Variants in ARL14EPL observed in about 807,000 individuals in gnomAD.
ARL14EPL encodes the protein ARF like GTPase 14 effector protein like.
A neutral mutation model predicts 15.9 loss-of-function variants in ARL14EPL; 17 were observed. The ratio of observed to expected loss-of-function variants is 1.07; its 90% CI spans 0.73 to 1.60. The LOEUF (loss-of-function observed/expected upper bound fraction) is 1.60, where lower values mean the gene tolerates loss of function less well. ARL14EPL is among the 40% of genes most tolerant of loss of function. ARL14EPL has a pLI of 0.00. For missense variants in ARL14EPL, 214 were observed against 185.9 expected (o/e 1.15, Z -0.88); for synonymous variants, 78 against 63.8 (o/e 1.22, Z -1.06).
intron 1 of ARL14EPL, among the ~76,000 whole-genome samples, chr5:116,035,974 TTCC>T (rs1749043064): frequency 6.6e-6 from 1 of 152,196 alleles, no homozygotes; most frequent in East Asian, 1.9e-4. Context: ...CTTCTTTCTC[TTCC>T]AACCTTCCAC....
At chr5:116,055,011 A>G (rs916462918) in intron 3 of ARL14EPL, among the ~76,000 whole-genome samples, 3 of 152,196 alleles carry the variant, frequency 2.0e-5, no homozygotes, top group Non-Finnish European at 4.4e-5. Context: ...TATCCAAAAT[A>G]TATGAAGAAT....
At chr5:116,042,009 T>C (rs1749168624) in intron 1 of ARL14EPL, among the ~76,000 whole-genome samples, 1 of 152,040 alleles carries the variant, frequency 6.6e-6, no homozygotes, top group African/African-American at 2.4e-5. Flanking sequence ...TTTTATTTTT[T>C]GTAAAGACAG....
intron 1 of ARL14EPL, among the ~76,000 whole-genome samples, chr5:116,047,117 G>A (rs576830103): frequency 6.6e-6 from 1 of 152,280 alleles, no homozygotes; most frequent in South Asian, 2.1e-4. Flanking sequence ...TGTTGTTTAA[G>A]CCACTCAGTC....
Position 116,058,857 on chromosome 5 carries a change from G to A in ARL14EPL, c.369G>A (p.Glu123=), listed in dbSNP as rs779595544. The change falls in exon 4 of 4, where the codon GAG becomes GAA. Residue 123 remains glutamate (E), a synonymous_variant. Coordinates refer to ENST00000686077, the MANE Select transcript of ARL14EPL (RefSeq NM_001195581.2). ...GTAACTCCAACAAGTGTGGGCCCGAGTGCCGCTGCAACCGACGGTGGGTTT... is the reference window on the plus strand; with the variant it reads ...GTAACTCCAACAAGTGTGGGCCCGAATGCCGCTGCAACCGACGGTGGGTTT... ...PKCNSNKCGP[E]CRCNRRWVYD... is the part of the protein sequence containing the mutation. 1 of 1,536,122 alleles carries A rather than the reference G, an allele frequency of 6.5e-7. No individual in the cohort carries two copies.
intron 1 of ARL14EPL, chr5:116,051,250 C>G (rs1749370692): frequency 2.2e-6 from 1 of 463,584 alleles, no homozygotes; most frequent in Admixed American, 3.9e-5. Flanking sequence ...TCCTGGAACC[C>G]CCGGCAGAGG....
chr5:116,050,930 G>A (rs1749363847), intron 1 of ARL14EPL, among the ~76,000 whole-genome samples: 1 of 151,934 alleles, frequency 6.6e-6, no homozygotes. Context: ...TAGCAGTGGG[G>A]TTTTATGAAA....
intron 2 of ARL14EPL, among the ~76,000 whole-genome samples, chr5:116,053,211 G>A (rs1749431937): frequency 6.6e-6 from 1 of 152,056 alleles, no homozygotes; most frequent in African/African-American, 2.4e-5. Flanking sequence ...AATTAGCCAA[G>A]CATGGTGGTG....
chr5:116,040,099 A>G (rs1749121151), intron 1 of ARL14EPL, among the ~76,000 whole-genome samples: 1 of 152,166 alleles, frequency 6.6e-6, no homozygotes, highest in Admixed American at 6.5e-5. Context: ...CTAGGAATTA[A>G]TACAAGATTT....
At chr5:116,033,633 A>C (rs1363077269) in intron 1 of ARL14EPL, among the ~76,000 whole-genome samples, 1 of 37,958 alleles carries the variant, frequency 2.6e-5, no homozygotes, top group Non-Finnish European at 4.5e-5. Context: ...GCACAGAATG[A>C]AAAAATGAAA....
At chr5:116,053,085 C>A (rs1749427567) in intron 2 of ARL14EPL, among the ~76,000 whole-genome samples, 1 of 152,162 alleles carries the variant, frequency 6.6e-6, no homozygotes, top group Non-Finnish European at 1.5e-5. Context: ...TGGCTCACAC[C>A]TGTAATCCCA....
At chr5:116,046,064 G>A (rs898212843) in intron 1 of ARL14EPL, among the ~76,000 whole-genome samples, 1 of 152,128 alleles carries the variant, frequency 6.6e-6, no homozygotes, top group African/African-American at 2.4e-5. Context: ...CCCCTGGTGG[G>A]ATTGACTCAC....
intron 1 of ARL14EPL, among the ~76,000 whole-genome samples, chr5:116,035,768 C>G (rs1290084458): frequency 6.6e-6 from 1 of 152,190 alleles, no homozygotes; most frequent in African/African-American, 2.4e-5. Context: ...CCCCTTGGAG[C>G]TGGACTCAGA....
In ARL14EPL at chr5:116,059,182, A is replaced by G; in HGVS notation, c.*235A>G. 1 of 508,664 alleles carries G rather than the reference A, an allele frequency of 2.0e-6. No homozygotes were observed. Among genetic ancestry groups the G allele is most frequent in the Middle Eastern group, 5.3e-4 (1 of 1,874 alleles). 31.5% of individuals were successfully genotyped at this position (508,664 alleles called of 1,614,324 possible). A position where few individuals can be genotyped will look rare whatever the true frequency, so the allele number is the denominator to read the frequency against. On this transcript the variant is annotated 3_prime_UTR_variant, in exon 4 of 4. Coordinates refer to ENST00000686077, the MANE Select transcript of ARL14EPL (RefSeq NM_001195581.2). The stretch of plus-strand genomic sequence containing the variant: ...CAAAGAATGTAACAATGGAGGGATC[A>G]GCATTTCTCATCAGCACCCTCATCT...
At chr5:116,043,289 T>C (rs78591682) in intron 1 of ARL14EPL, among the ~76,000 whole-genome samples, 7,344 of 152,018 alleles carry the variant, frequency 0.048, 561 homozygotes, top group East Asian at 0.37. Flanking sequence ...AAGGTTTTAC[T>C]TTCTGAGAAC....
At chr5:116,041,157 T>C (rs1749150282) in intron 1 of ARL14EPL, among the ~76,000 whole-genome samples, 1 of 152,068 alleles carries the variant, frequency 6.6e-6, no homozygotes, top group East Asian at 1.9e-4. Context: ...GGTACTTTTG[T>C]TATAATTCAT....
At chr5:116,053,549 C>T (rs1291007227) in intron 2 of ARL14EPL, among the ~76,000 whole-genome samples, 3 of 152,062 alleles carry the variant, frequency 2.0e-5, no homozygotes, top group Non-Finnish European at 4.4e-5. Context: ...GGAGTAGCTC[C>T]GAAATGCATC....
At chr5:116,034,256 A>G (rs576539046) in intron 1 of ARL14EPL, among the ~76,000 whole-genome samples, 2 of 152,302 alleles carry the variant, frequency 1.3e-5, no homozygotes, top group Admixed American at 1.3e-4. Context: ...GGTAGGGACA[A>G]TCCTTAGTGA....
chr5:116,050,911 C>T (rs1249781612), intron 1 of ARL14EPL, among the ~76,000 whole-genome samples: 1 of 151,904 alleles, frequency 6.6e-6, no homozygotes, highest in Non-Finnish European at 1.5e-5. Flanking sequence ...AAGTAAGTTA[C>T]AGGCATTTTA....
intron 1 of ARL14EPL, among the ~76,000 whole-genome samples, chr5:116,038,291 G>A (rs1367105643): frequency 6.6e-6 from 1 of 152,168 alleles, no homozygotes; most frequent in Non-Finnish European, 1.5e-5. Flanking sequence ...GGCTGATACG[G>A]GAGACAAGTG....
Sources: gnomAD v4.1 joint callset for allele counts (sites outside exome capture counted in the v4.1 genomes callset) on GRCh38, gnomAD v4.1.1 for gene constraint, MANE v1.5 for transcripts, NCBI Gene and HGNC (gene_info 2026-07-23, HGNC 2026-07-21) for gene names.